The following NOTCH1 variants were observed in gnomAD, a reference collection of about 807,000 sequenced individuals.
NOTCH1 encodes the protein notch receptor 1.
Under a neutral mutation model 254.8 loss-of-function variants are expected in NOTCH1, and 37 were observed. The observed-to-expected ratio is 0.15, with a 90% CI of 0.11 to 0.19. The LOEUF is 0.19. Ranked by LOEUF, NOTCH1 falls within the 10% of genes least tolerant of loss-of-function variation. The pLI is 1.00. For synonymous variants in NOTCH1, 1,731 were observed against 1,618.1 expected, an observed-to-expected ratio of 1.07 and a Z score of -1.68; for missense variants, 2,972 against 3,708.6, an observed-to-expected ratio of 0.80 and a Z score of 5.16.
At chr9:136,539,394 T>C (rs1843699877) in intron 2 of NOTCH1, among the ~76,000 whole-genome samples, 1 of 152,048 alleles carries the variant, frequency 6.6e-6, no homozygotes, top group Non-Finnish European at 1.5e-5. Flanking sequence ...TTTTTGTTGT[T>C]TTTTGTTTTT....
chr9:136,532,361 G>C (rs537570467), intron 2 of NOTCH1, among the ~76,000 whole-genome samples: 1 of 152,274 alleles, frequency 6.6e-6, no homozygotes, highest in South Asian at 2.1e-4. Flanking sequence ...CAAAGATCTC[G>C]CACTACCTCA....
At position 136,494,934 on chromosome 9, in the gene NOTCH1, T is replaced by C. The variant is rs1842893800; in HGVS notation, c.*1137A>G. ...TCCCTCCAGCCCCTGCCCGACCGCATGCCCCCTGCCAGGGCTGCGGGGACA... is the reference window on the plus strand; with the variant it reads ...TCCCTCCAGCCCCTGCCCGACCGCACGCCCCCTGCCAGGGCTGCGGGGACA... On this transcript the variant is annotated 3_prime_UTR_variant, in exon 34 of 34. Coordinates refer to ENST00000651671, the MANE Select transcript of NOTCH1 (RefSeq NM_017617.5). 1 of 398,778 alleles carries C rather than the reference T, an allele frequency of 2.5e-6. No homozygotes were observed. Among genetic ancestry groups the C allele is most frequent in the African/African-American group, 2.1e-5 (1 of 48,770 alleles). 24.7% of individuals were successfully genotyped at this position (398,778 alleles called of 1,614,324 possible). A position where few individuals can be genotyped will look rare whatever the true frequency, so the allele number is the denominator to read the frequency against.
rs544117297 is a variant in NOTCH1 at position 136,515,611 on chromosome 9, C to T, written c.1775G>A (p.Arg592His). 1.2e-5 allele frequency: 19 copies of T among 1,608,578 alleles called. No homozygotes were observed. Among genetic ancestry groups the T allele is most frequent in the East Asian group, 4.5e-5 (2 of 44,778 alleles). Residue 592 changes from arginine (R) to histidine (H), a missense_variant, in exon 11 of 34, where the codon CGC becomes CAC. Coordinates refer to ENST00000651671, the MANE Select transcript of NOTCH1 (RefSeq NM_017617.5). ...GCAGTGGTGGCCCGTGTAGCCTGGG[C>T]GGCAGAGGCAGGTGAAGGTGGCGAC... ...DGVATFTCLC[R>H]PGYTGHHCET...
chr9:136,518,408 T>G, intron 6 of NOTCH1, 116 bp from the exon 7 acceptor site: 1 of 1,392,464 alleles, frequency 7.2e-7, no homozygotes, highest in Non-Finnish European at 9.8e-7. Context: ...CGTGACCCCG[T>G]CGGGCATCCC....
chr9:136,538,638 G>GA (rs1291039961), intron 2 of NOTCH1, among the ~76,000 whole-genome samples: 1 of 152,234 alleles, frequency 6.6e-6, no homozygotes, highest in African/African-American at 2.4e-5. Context: ...GAAAGATCCG[G>GA]AAAGTTCTGG....
intron 21 of NOTCH1, 86 bp from the exon 22 acceptor site, chr9:136,507,523 G>A: frequency 6.5e-7 from 1 of 1,528,898 alleles, no homozygotes. Flanking sequence ...GGGCTGACAG[G>A]GCCACATGAG....
chr9:136,532,016 CT>C (rs1275309720), intron 2 of NOTCH1, among the ~76,000 whole-genome samples: 1 of 152,258 alleles, frequency 6.6e-6, no homozygotes, highest in Non-Finnish European at 1.5e-5. Context: ...CACTGTGCCC[CT>C]GGCACCCCCT....
Position 136,505,445 on chromosome 9 carries a change from T to C in NOTCH1, c.4451A>G (p.Asn1484Ser), listed in dbSNP as rs759828439. 4.7e-5 allele frequency: 76 copies of C among 1,612,712 alleles called. No individual in the cohort carries two copies. Among genetic ancestry groups the C allele is most frequent in the South Asian group, 4.4e-4 (40 of 91,094 alleles). Residue 1484 changes from asparagine (N) to serine (S), a missense_variant, in exon 25 of 34, where the codon AAT becomes AGT. Transcript: ENST00000651671. ...CTGCGTGCAGTTCTTCCAGGGGTCA[T>C]TGAAGTTGAGGGAGCAGTCACCGCC... ...WDGGDCSLNF[N>S]DPWKNCTQSL...
Position 136,519,463 on chromosome 9 carries a change from C to T in NOTCH1, c.845G>A (p.Arg282His), listed in dbSNP as rs758804728. ...CVDGVNTYNC[R>H]CPPEWTGQYC... ...CGCGCCTGTCCACTCTGGCGGGCAG[C>T]GGCAGTTGTAGGTGTTCACGCCGTC... Residue 282 changes from arginine (R) to histidine (H), a missense_variant, in exon 5 of 34, where the codon CGC becomes CAC. Coordinates refer to ENST00000651671, the MANE Select transcript of NOTCH1 (RefSeq NM_017617.5). 6 of 1,612,920 alleles carry T rather than the reference C, an allele frequency of 3.7e-6. No homozygotes were observed. The highest frequency in any genetic ancestry group is 2.2e-5 in the East Asian group (1 of 44,880).
At chr9:136,527,878 C>G (rs953357583) in intron 2 of NOTCH1, among the ~76,000 whole-genome samples, 39 of 152,140 alleles carry the variant, frequency 2.6e-4, no homozygotes, top group Non-Finnish European at 5.7e-4. Flanking sequence ...CCTGCTGTGC[C>G]GCTCCCGCCA....
At chr9:136,544,245 G>T in intron 1 of NOTCH1, 143 bp from the exon 2 acceptor site, 1 of 777,378 alleles carries the variant, frequency 1.3e-6, no homozygotes. Flanking sequence ...TCAGTATCAT[G>T]GGTTGCTGGG....
chr9:136,505,394 C>G lies in NOTCH1; in HGVS notation c.4502G>C (p.Ser1501Thr), dbSNP rs534907223. 1.9e-6 allele frequency: 3 copies of G among 1,612,300 alleles called. No homozygotes were observed. Among genetic ancestry groups the G allele is most frequent in the South Asian group, 2.2e-5 (2 of 91,026 alleles). The stretch of plus-strand genomic sequence containing the variant: ...GCACTGGCTGTCACAGTGGCCGTCA[C>G]TGAAGTACTTCCAGCACTGCAGAGA... ...TQSLQCWKYFSDGHCDSQCNS... is the reference protein window; with the variant it reads ...TQSLQCWKYFTDGHCDSQCNS... The change falls in exon 25 of 34, where the codon AGT (serine) becomes ACT (threonine). Residue 1501 changes from serine (S) to threonine (T), a missense_variant. By Grantham distance (58) the Ser-to-Thr change is moderately conservative (BLOSUM62 1). Around this residue, in one of 8 missense-constraint regions of NOTCH1, gnomAD observed 1,343 missense variants for 1,557.0 expected, o/e 0.86. Coordinates refer to ENST00000651671, the MANE Select transcript of NOTCH1 (RefSeq NM_017617.5).
chr9:136,535,755 C>CA (rs373722963), intron 2 of NOTCH1, among the ~76,000 whole-genome samples: 34 of 16,268 alleles, frequency 2.1e-3, no homozygotes, highest in Non-Finnish European at 2.8e-3. Flanking sequence ...GGATCCCTCC[C>CA]GGGGCAATGA....
rs549272765 is a variant in NOTCH1 at position 136,495,540 on chromosome 9, G to C, written c.*531C>G. On this transcript the variant is annotated 3_prime_UTR_variant, in exon 34 of 34. Transcript: ENST00000651671. Reference sequence around the variant, plus strand: ...GCCAGCTTTGCCTCCGTTTGCCTCTGGATGCAGCTTCTCCTAACAGGCAGG... The same window carrying C: ...GCCAGCTTTGCCTCCGTTTGCCTCTCGATGCAGCTTCTCCTAACAGGCAGG... 80 of 399,866 alleles carry C rather than the reference G, an allele frequency of 2.0e-4. No homozygotes were observed. The highest frequency in any genetic ancestry group is 1.3e-3 in the Middle Eastern group (2 of 1,588). 24.8% of individuals were successfully genotyped at this position (399,866 alleles called of 1,614,324 possible). A position where few individuals can be genotyped will look rare whatever the true frequency, so the allele number is the denominator to read the frequency against.
At chr9:136,525,499 A>G (rs9411210) in intron 2 of NOTCH1, among the ~76,000 whole-genome samples, 90,810 of 152,198 alleles carry the variant, frequency 0.6, 28,640 homozygotes, top group East Asian at 0.84. Context: ...GGAAGGCAGC[A>G]GCCTCACGGC....
intron 9 of NOTCH1, among the ~76,000 whole-genome samples, chr9:136,516,966 G>A (rs897188418): frequency 6.7e-5 from 10 of 148,562 alleles, no homozygotes; most frequent in East Asian, 2.0e-4. Flanking sequence ...CACAACCTAC[G>A]GCCAGGCACC....
rs1267060166 is a variant in NOTCH1 at position 136,506,940 on chromosome 9, T to C, written c.3677A>G (p.Asn1226Ser). The part of the protein sequence containing the change: ...VHCEINVDDC[N>S]PPVDPVSRSP... ...CCGGGACACGGGGTCAACGGGGGGATTGCAGTCGTCCACGTTGATCTCACA... is the reference window on the plus strand; with the variant it reads ...CCGGGACACGGGGTCAACGGGGGGACTGCAGTCGTCCACGTTGATCTCACA... Residue 1226 changes from asparagine to serine, a missense_variant, in exon 23 of 34, where the codon AAT becomes AGT. Transcript: ENST00000651671. This position sits in a 1 kb window ranked among gnomAD's most constrained non-coding sequence, Gnocchi z 4.5. The C allele has an allele frequency of 5.0e-6, 8 of 1,610,990 alleles. No homozygotes were observed. Among genetic ancestry groups the C allele is most frequent in the South Asian group, 1.1e-5 (1 of 90,804 alleles).
chr9:136,525,849 T>C (rs144567311), intron 2 of NOTCH1, among the ~76,000 whole-genome samples: 2 of 152,374 alleles, frequency 1.3e-5, no homozygotes, highest in African/African-American at 4.8e-5. Context: ...GGCATCTGTC[T>C]TCCCCGAAGG....
In NOTCH1 at chr9:136,496,881, C is replaced by T. The variant is rs774660784; in HGVS notation, c.6858G>A (p.Leu2286=). ...LPVASGTSTV[L]GSSSGGALNF... is the part of the protein sequence containing the mutation. ...TCAGGGCCCCTCCGCTGCTGGAGCC[C>T]AGGACGGTGCTGGTGCCAGAGGCCA... Residue 2286 remains leucine (L), a synonymous_variant, in exon 34 of 34, where the codon CTG becomes CTA. Transcript: ENST00000651671. 4 of 1,612,886 alleles carry T rather than the reference C, an allele frequency of 2.5e-6. No homozygotes were observed. The South Asian group carries it at 3.3e-5, about 13-fold the overall frequency.
Sources: allele counts gnomAD v4.1 joint callset (sites outside exome capture counted in the v4.1 genomes callset), GRCh38; gene constraint gnomAD v4.1.1; regional missense constraint gnomAD v4.1.1; non-coding constraint Gnocchi (gnomAD v3.1); transcripts MANE v1.5; gene names NCBI Gene and HGNC (gene_info 2026-07-23, HGNC 2026-07-21).